Variants in PSMC3IP observed in about 807,000 individuals in gnomAD.
The protein encoded by PSMC3IP is PSMC3 interacting protein.
PSMC3IP carries 26 observed loss-of-function variants against 34.9 expected under a neutral mutation model. The ratio of observed to expected loss-of-function variants is 0.74; its 90% CI spans 0.55 to 1.03. The LOEUF (loss-of-function observed/expected upper bound fraction) is 1.03. PSMC3IP is among the 50% of genes least tolerant of loss of function. The probability of loss-of-function intolerance (pLI) is 0.00; values close to 1 mark genes in which losing one functional copy is unlikely to be tolerated. For synonymous variants in PSMC3IP, 87 were observed against 96.5 expected, an observed-to-expected ratio of 0.90 and a Z score of 0.57; for missense variants, 250 against 263.1, an observed-to-expected ratio of 0.95 and a Z score of 0.34.
chr17:42,572,661 A>C lies in PSMC3IP; in HGVS notation c.*307T>G. On this transcript the variant is annotated 3_prime_UTR_variant, in exon 8 of 8. Coordinates refer to ENST00000393795, the MANE Select transcript of PSMC3IP (RefSeq NM_016556.4). Reference sequence around the variant, plus strand: ...GGTTTGACTATCCAGAGGAAATTAAATATTTTTATATAAAATTAAATTATA... The same window carrying C: ...GGTTTGACTATCCAGAGGAAATTAACTATTTTTATATAAAATTAAATTATA... 5.0e-6 allele frequency: 2 copies of C among 398,170 alleles called. No homozygotes were observed. Among genetic ancestry groups the C allele is most frequent in the Non-Finnish European group, 1.0e-5 (2 of 200,238 alleles). 24.7% of individuals were successfully genotyped at this position (398,170 alleles called of 1,614,324 possible).
At chr17:42,573,660 T>C (rs202127365) in intron 4 of PSMC3IP, 37 bp from the exon 5 acceptor site, 8 of 1,609,800 alleles carry the variant, frequency 5.0e-6, no homozygotes, top group Non-Finnish European at 8.5e-7. Flanking sequence ...TTGCTACCCC[T>C]GAGGAAGGAG....
At chr17:42,575,853 C>CAAA (rs971478774) in intron 3 of PSMC3IP, among the ~76,000 whole-genome samples, 1 of 100,482 alleles carries the variant, frequency 1.0e-5, no homozygotes, top group Admixed American at 1.0e-4. Flanking sequence ...CTAAAAATAC[C>CAAA]AAAAAAAAAA....
At chr17:42,577,740 A>T (rs1431683138), upstream of PSMC3IP, 4 of 1,609,344 alleles carry the variant, frequency 2.5e-6, no homozygotes, top group Admixed American at 6.7e-5. Flanking sequence ...GCTCGGGGCG[A>T]CGGCTCCTTC....
chr17:42,573,823 ACTT>A, intron 4 of PSMC3IP, 200 bp from the exon 5 acceptor site: 1 of 1,530,612 alleles, frequency 6.5e-7, no homozygotes. Context: ...TTGAACACTT[ACTT>A]AGGCGTAGCC....
chr17:42,572,344 A>G lies in PSMC3IP; in HGVS notation c.*624T>C. The stretch of plus-strand genomic sequence containing the variant: ...GAAATTTTTTATTTTTCTAAATACC[A>G]ATGCAGTTTTGCTACGGTTACAATT... On this transcript the variant is annotated 3_prime_UTR_variant, in exon 8 of 8. Transcript: ENST00000393795. The G allele has an allele frequency of 4.4e-6, 2 of 454,494 alleles. No individual in the cohort carries two copies. The highest frequency in any genetic ancestry group is 8.8e-6 in the Non-Finnish European group (2 of 226,740). The allele number at this position is 454,494 out of a possible 1,614,324, so 28.2% of individuals were successfully genotyped here.
intron 4 of PSMC3IP, 65 bp from the exon 5 acceptor site, chr17:42,573,688 G>A (rs941119563): frequency 1.3e-6 from 2 of 1,589,426 alleles, no homozygotes; most frequent in African/African-American, 2.7e-5. Context: ...TTTCCCAGTG[G>A]GTGCTCCCTG....
rs758156538 is a variant in PSMC3IP at position 42,574,336 on chromosome 17, T to C, written c.226-126A>G. On this transcript the variant is annotated intron_variant, in intron 3 of 7. Coordinates refer to ENST00000393795, the MANE Select transcript of PSMC3IP (RefSeq NM_016556.4). ...CACACCCCAAAGTCTCCAGAGGGTC[T>C]GCAGAAATAGTGGGAGAGTACTTTT... 25 of 1,526,378 alleles carry C rather than the reference T, an allele frequency of 1.6e-5. No homozygotes were observed. In the Admixed American group the frequency reaches 2.2e-4, roughly 14 times the overall value. The allele number at this position is 1,526,378 out of a possible 1,614,324, so 94.6% of individuals were successfully genotyped here.
In PSMC3IP at chr17:42,573,504, G is replaced by A. The variant is rs1233119098; in HGVS notation, c.457C>T (p.His153Tyr). The A allele has an allele frequency of 1.2e-6, 2 of 1,614,104 alleles. No homozygotes were observed. Among genetic ancestry groups the A allele is most frequent in the African/African-American group, 1.3e-5 (1 of 74,932 alleles). Reference sequence around the variant, plus strand: ...TGCTCTTTCTCTTCTGGAGTCACATGATTGGTAGCTGCTTTAATGTTCTTC... The same window carrying A: ...TGCTCTTTCTCTTCTGGAGTCACATAATTGGTAGCTGCTTTAATGTTCTTC... ...RLKNIKAATN[H>Y]VTPEEKEQVY... Residue 153 changes from histidine to tyrosine, a missense_variant, in exon 5 of 8, where the codon CAT becomes TAT. Transcript: ENST00000393795.
Position 42,572,335 on chromosome 17 carries a change from C to T in PSMC3IP, c.*633G>A, listed in dbSNP as rs979205794. 60 of 453,726 alleles carry T rather than the reference C, an allele frequency of 1.3e-4. No homozygotes were observed. The highest frequency in any genetic ancestry group is 2.5e-4 in the Non-Finnish European group (57 of 226,530). 28.1% of individuals were successfully genotyped at this position (453,726 alleles called of 1,614,324 possible). On this transcript the variant is annotated 3_prime_UTR_variant, in exon 8 of 8. Transcript: ENST00000393795. ...TACATATTGGAAATTTTTTATTTTT[C>T]TAAATACCAATGCAGTTTTGCTACG...
At position 42,575,152 on chromosome 17, in the gene PSMC3IP, G is replaced by A. The variant is rs1009250178; in HGVS notation, c.226-942C>T. 6.6e-5 allele frequency among the ~76,000 whole-genome samples: 10 copies of A among 152,176 alleles called. No individual in the cohort carries two copies. The South Asian group carries it at 8.3e-4, about 13-fold the overall frequency. ...AACTGCACTGGGGATCAGTGTGGGG[G>A]TGGGGGAGGTCACATCAGTTGGTGA... is the stretch of plus-strand genomic sequence containing the variant. On this transcript the variant is annotated intron_variant, in intron 3 of 7. Coordinates refer to ENST00000393795, the MANE Select transcript of PSMC3IP (RefSeq NM_016556.4).
intron 4 of PSMC3IP, chr17:42,573,833 A>T (rs1280797758): frequency 6.5e-7 from 1 of 1,531,840 alleles, no homozygotes; most frequent in South Asian, 1.2e-5. Context: ...ACTTAGGCGT[A>T]GCCAGTTAAA....
chr17:42,577,333 G>GGAGTCT, intron 2 of PSMC3IP, 31 bp from the exon 3 acceptor site: 1 of 1,612,248 alleles, frequency 6.2e-7, no homozygotes, highest in Non-Finnish European at 8.5e-7. Flanking sequence ...AGCAATCAGA[G>GGAGTCT]GAGTCTGAGC....
Position 42,573,640 on chromosome 17 carries a change from CTG to C in PSMC3IP, c.338-19_338-18del, listed in dbSNP as rs757825869. The C allele has an allele frequency of 4.6e-5, 75 of 1,613,652 alleles. No individual in the cohort carries two copies. The African/African-American group carries it at 9.5e-4, about 20-fold the overall frequency. On this transcript the variant is annotated intron_variant, in intron 4 of 7. Transcript: ENST00000393795. ...CCTTGAGCTCTGAAACCACATCCGCCTGGGGTCACTTGCTACCCCTGAGGAAG... is the reference window on the plus strand; with the variant it reads ...CCTTGAGCTCTGAAACCACATCCGCCGGGTCACTTGCTACCCCTGAGGAAG...
Position 42,573,148 on chromosome 17 carries a change from C to T in PSMC3IP, c.556G>A (p.Ala186Thr). ...RKRMATELSD[A>T]ILEGYPKSKK... ...CTCTTGGGGTATCCTTCAAGTATTG[C>T]ATCAGACAGCTCTGTAGCCTGACAA... is the stretch of plus-strand genomic sequence containing the variant. The change falls in exon 7 of 8, where the codon GCA (alanine) becomes ACA (threonine). Residue 186 changes from alanine (A) to threonine (T), a missense_variant. Ala to Thr is a moderately conservative substitution (Grantham distance 58, BLOSUM62 0). Coordinates refer to ENST00000393795, the MANE Select transcript of PSMC3IP (RefSeq NM_016556.4). 1 of 1,614,216 alleles carries T rather than the reference C, an allele frequency of 6.2e-7. No homozygotes were observed. Among genetic ancestry groups the T allele is most frequent in the Non-Finnish European group, 8.5e-7 (1 of 1,180,034 alleles).
intron 3 of PSMC3IP, among the ~76,000 whole-genome samples, chr17:42,575,218 GGAC>G (rs2093067998): frequency 6.6e-6 from 1 of 152,180 alleles, no homozygotes; most frequent in South Asian, 2.1e-4. Flanking sequence ...AGTGCAGTCT[GGAC>G]TCTACACTTG....
Position 42,572,627 on chromosome 17 carries a change from T to C in PSMC3IP, c.*341A>G, listed in dbSNP as rs972844930. Reference sequence around the variant, plus strand: ...TCACTTCTGCCTTCCTCAGGTTTGATATCTGGCAGGTTTGACTATCCAGAG... The same window carrying C: ...TCACTTCTGCCTTCCTCAGGTTTGACATCTGGCAGGTTTGACTATCCAGAG... On this transcript the variant is annotated 3_prime_UTR_variant, in exon 8 of 8. Coordinates refer to ENST00000393795, the MANE Select transcript of PSMC3IP (RefSeq NM_016556.4). The C allele has an allele frequency of 4.5e-6, 2 of 447,760 alleles. No homozygotes were observed. Among genetic ancestry groups the C allele is most frequent in the African/African-American group, 2.0e-5 (1 of 49,800 alleles). The allele number at this position is 447,760 out of a possible 1,614,324, so 27.7% of individuals were successfully genotyped here.
chr17:42,573,502 A>G lies in PSMC3IP; in HGVS notation c.459T>C (p.His153=). Residue 153 remains histidine (H), a synonymous_variant, in exon 5 of 8, where the codon CAT becomes CAC. Coordinates refer to ENST00000393795, the MANE Select transcript of PSMC3IP (RefSeq NM_016556.4). ...RLKNIKAATN[H]VTPEEKEQVY... ...CCTGCTCTTTCTCTTCTGGAGTCACATGATTGGTAGCTGCTTTAATGTTCT... is the reference window on the plus strand; with the variant it reads ...CCTGCTCTTTCTCTTCTGGAGTCACGTGATTGGTAGCTGCTTTAATGTTCT... 1 of 1,614,224 alleles carries G rather than the reference A, an allele frequency of 6.2e-7. No homozygotes were observed. The highest frequency in any genetic ancestry group is 1.3e-5 in the African/African-American group (1 of 75,060).
intron 3 of PSMC3IP, among the ~76,000 whole-genome samples, chr17:42,574,739 CTT>C (rs1280268180): frequency 1.8e-4 from 4 of 22,176 alleles, no homozygotes; most frequent in African/African-American, 2.2e-4. Flanking sequence ...TTCCCTCTCT[CTT>C]TCTCTCTCTT....
Position 42,574,232 on chromosome 17 carries a change from T to C in PSMC3IP, c.226-22A>G, listed in dbSNP as rs376991472. 6.2e-6 allele frequency: 10 copies of C among 1,610,698 alleles called. No individual in the cohort carries two copies. The African/African-American group carries it at 8.0e-5, about 13-fold the overall frequency. On this transcript the variant is annotated intron_variant, in intron 3 of 7. Transcript: ENST00000393795. The stretch of plus-strand genomic sequence containing the variant: ...GGTCCTGCCAGACAAAGAGGGAAAA[T>C]ACAAGTGAACTGTTGTGAGGCACAA...
Sources: gnomAD v4.1 joint callset for allele counts (sites outside exome capture counted in the v4.1 genomes callset) on GRCh38, gnomAD v4.1.1 for gene constraint, MANE v1.5 for transcripts, NCBI Gene and HGNC (gene_info 2026-07-23, HGNC 2026-07-21) for gene names.